Variants in SEMA4D observed in about 807,000 individuals in gnomAD.
The protein encoded by SEMA4D is semaphorin-4D.
In SEMA4D, 22 loss-of-function variants were observed where a neutral mutation model predicts 74.8. That is an observed-to-expected ratio of 0.29 (90% CI 0.21 to 0.42). The LOEUF (loss-of-function observed/expected upper bound fraction) is 0.42, where lower values mean the gene tolerates loss of function less well. SEMA4D is among the 10% of genes least tolerant of loss of function. The pLI is 1.00. For synonymous variants in SEMA4D, 445 were observed against 463.7 expected (o/e 0.96, Z 0.52); for missense variants, 937 against 1,118.4 (o/e 0.84, Z 2.31).
chr9:89,444,293 A>G (rs1046415624), intron 2 of SEMA4D, among the ~76,000 whole-genome samples: 1 of 152,112 alleles, frequency 6.6e-6, no homozygotes. Flanking sequence ...TGCTCTGCCC[A>G]GGAGTCATAA....
At chr9:89,423,907 C>G (rs1436975373) in intron 2 of SEMA4D, among the ~76,000 whole-genome samples, 1 of 145,630 alleles carries the variant, frequency 6.9e-6, no homozygotes, top group Non-Finnish European at 1.5e-5. Flanking sequence ...CCTCTCCCTC[C>G]ACTACTCCCT....
In SEMA4D at chr9:89,492,214, TCTTCGGTTCTCAC is replaced by T. The variant is rs1356066457; in HGVS notation, c.-310+5692_-310+5704del. On this transcript the variant is annotated intron_variant, in intron 1 of 15. Coordinates refer to ENST00000422704, the MANE Select transcript of SEMA4D (RefSeq NM_001371194.2). The surrounding 1 kb of genome is among the most constrained non-coding windows in gnomAD (Gnocchi z 4.3). ...GACCACATGGATAAACCCCAGGTTG[TCTTCGGTTCTCAC>T]CTTCGTGACCTCCGCTGTCACCCTC... 9.2e-5 allele frequency among the ~76,000 whole-genome samples: 14 copies of T among 152,184 alleles called. No individual in the cohort carries two copies. Among genetic ancestry groups the T allele is most frequent in the Admixed American group, 8.5e-4 (13 of 15,272 alleles).
intron 15 of SEMA4D, among the ~76,000 whole-genome samples, chr9:89,380,119 AC>A (rs550990306): frequency 6.7e-6 from 1 of 150,200 alleles, no homozygotes; most frequent in African/African-American, 2.5e-5. Flanking sequence ...TGCAGCTTCA[AC>A]CCCCCCAGCT....
chr9:89,432,806 G>A (rs953783590), intron 2 of SEMA4D, among the ~76,000 whole-genome samples: 2 of 152,250 alleles, frequency 1.3e-5, no homozygotes, highest in African/African-American at 4.8e-5. Context: ...TGTAGCCACT[G>A]TGGGAATCAT....
In SEMA4D at chr9:89,378,240, G is replaced by T; in HGVS notation, c.*464C>A. 1 of 154,942 alleles carries T rather than the reference G, an allele frequency of 6.5e-6. No individual in the cohort carries two copies. 9.6% of individuals were successfully genotyped at this position (154,942 alleles called of 1,614,324 possible). The stretch of plus-strand genomic sequence containing the variant: ...AAAATCCTAAAAAAATAATTAAGTG[G>T]AAGAAAAGGTTCGTGCCAATCTGGA... On this transcript the variant is annotated 3_prime_UTR_variant, in exon 16 of 16. Coordinates refer to ENST00000422704, the MANE Select transcript of SEMA4D (RefSeq NM_001371194.2).
chr9:89,436,808 C>T (rs1034076355), intron 2 of SEMA4D, among the ~76,000 whole-genome samples: 2 of 152,212 alleles, frequency 1.3e-5, no homozygotes, highest in Non-Finnish European at 2.9e-5. Context: ...GGTCGCCTGG[C>T]GAGGGCAAGC....
rs544691407 is a variant in SEMA4D at position 89,462,106 on chromosome 9, G to A, written c.-309-6153C>T. ...TTAAACGTGGTTTGGGTTAAGAAGG[G>A]AAATTCTCAGGCTTTGCTGAATCCC... is the stretch of plus-strand genomic sequence containing the variant. On this transcript the variant is annotated intron_variant, in intron 1 of 15. Transcript: ENST00000422704. 1.1e-4 allele frequency among the ~76,000 whole-genome samples: 16 copies of A among 152,286 alleles called. No individual in the cohort carries two copies. In the East Asian group the frequency reaches 2.7e-3, roughly 26 times the overall value.
intron 2 of SEMA4D, among the ~76,000 whole-genome samples, chr9:89,413,240 C>T (rs1223229304): frequency 6.6e-6 from 1 of 152,160 alleles, no homozygotes; most frequent in African/African-American, 2.4e-5. Flanking sequence ...TGAGGGTGCA[C>T]GAGCCCACTT....
At chr9:89,493,623 C>G (rs1246485571) in intron 1 of SEMA4D, among the ~76,000 whole-genome samples, 1 of 152,174 alleles carries the variant, frequency 6.6e-6, no homozygotes, top group Non-Finnish European at 1.5e-5. Flanking sequence ...AGGCAAATTA[C>G]GTTCTGGCTG....
At chr9:89,496,571 C>T (rs2136313429) in intron 1 of SEMA4D, among the ~76,000 whole-genome samples, 1 of 152,344 alleles carries the variant, frequency 6.6e-6, no homozygotes, top group South Asian at 2.1e-4. Flanking sequence ...CTTCCCACCC[C>T]AGCCTCCCTG....
chr9:89,384,884 C>A, intron 13 of SEMA4D: 11 of 985,422 alleles, frequency 1.1e-5, no homozygotes, highest in Non-Finnish European at 1.3e-5. Flanking sequence ...CCACCCCCAC[C>A]TGGAGCCTAC....
intron 2 of SEMA4D, among the ~76,000 whole-genome samples, chr9:89,429,411 C>A (rs887277629): frequency 2.0e-5 from 3 of 152,222 alleles, no homozygotes; most frequent in African/African-American, 7.2e-5. Flanking sequence ...CACCATCCCT[C>A]TTTTGCAGCT....
At chr9:89,412,886 T>C (rs1360084303) in intron 2 of SEMA4D, among the ~76,000 whole-genome samples, 1 of 152,164 alleles carries the variant, frequency 6.6e-6, no homozygotes. Context: ...TTAAAGTTGC[T>C]TTAAGCAAAG....
intron 18 of SEMA4D, chr9:89,363,285 G>A: frequency 6.5e-6 from 8 of 1,232,748 alleles, no homozygotes; most frequent in Non-Finnish European, 8.8e-6. Context: ...CAGTGTTGCA[G>A]ATTTCATAAA....
chr9:89,396,949 C>T, intron 5 of SEMA4D, 114 bp from the exon 6 acceptor site: 1 of 941,306 alleles, frequency 1.1e-6, no homozygotes, highest in Non-Finnish European at 1.6e-6. Flanking sequence ...CCAACACCAG[C>T]TCACAGGTGG....
In SEMA4D at chr9:89,377,623, G is replaced by A. The variant is rs1367507392; in HGVS notation, c.*1081C>T. On this transcript the variant is annotated 3_prime_UTR_variant, in exon 16 of 16. Coordinates refer to ENST00000422704, the MANE Select transcript of SEMA4D (RefSeq NM_001371194.2). Reference sequence around the variant, plus strand: ...CCCTTCCAGTAGTGGGCAGCTCAGTGAGGCTGGATAGAAAGTCTGGGCAGG... The same window carrying A: ...CCCTTCCAGTAGTGGGCAGCTCAGTAAGGCTGGATAGAAAGTCTGGGCAGG... The A allele has an allele frequency of 2.6e-5, 4 of 152,260 alleles. No individual in the cohort carries two copies. Among genetic ancestry groups the A allele is most frequent in the East Asian group, 1.9e-4 (1 of 5,194 alleles). The allele number at this position is 152,260 out of a possible 1,614,324, so 9.4% of individuals were successfully genotyped here.
intron 2 of SEMA4D, among the ~76,000 whole-genome samples, chr9:89,447,932 C>T (rs1853374660): frequency 6.6e-6 from 1 of 152,238 alleles, no homozygotes; most frequent in Non-Finnish European, 1.5e-5. Context: ...CCCAGCTCCC[C>T]TTGTAGAACC....
downstream of SEMA4D, among the ~76,000 whole-genome samples, chr9:89,374,053 T>C (rs192067186): frequency 2.6e-5 from 4 of 152,334 alleles, no homozygotes; most frequent in Admixed American, 2.6e-4. Flanking sequence ...TGGTGCTCCC[T>C]GGGGAGGTCT....
chr9:89,443,750 G>A (rs1297248910), intron 2 of SEMA4D, among the ~76,000 whole-genome samples: 1 of 152,348 alleles, frequency 6.6e-6, no homozygotes, highest in East Asian at 1.9e-4. Context: ...GGGTGGGGCT[G>A]GGGTCACCAG....
Sources: allele counts gnomAD v4.1 joint callset (sites outside exome capture counted in the v4.1 genomes callset), GRCh38; gene constraint gnomAD v4.1.1; non-coding constraint Gnocchi (gnomAD v3.1); transcripts MANE v1.5; gene names NCBI Gene and HGNC (gene_info 2026-07-23, HGNC 2026-07-21).